Variants in PTPRT observed in about 807,000 individuals in gnomAD.
PTPRT encodes the protein receptor-type tyrosine-protein phosphatase T.
A neutral mutation model predicts 176.8 loss-of-function variants in PTPRT; 56 were observed. That is an observed-to-expected ratio of 0.32 (90% CI 0.26 to 0.40). The LOEUF is 0.40. Among genes scored for constraint, PTPRT ranks in the 10% least tolerant of loss-of-function variants. PTPRT has a pLI of 1.00. For synonymous variants in PTPRT, 783 were observed against 739.0 expected, an observed-to-expected ratio of 1.06 and a Z score of -0.96; for missense variants, 1,540 against 1,908.2, an observed-to-expected ratio of 0.81 and a Z score of 3.60.
chr20:42,301,641 A>G (rs940855894), intron 12 of PTPRT, among the ~76,000 whole-genome samples: 9 of 149,850 alleles, frequency 6.0e-5, no homozygotes, highest in East Asian at 5.8e-4. Flanking sequence ...TAGATAGACA[A>G]ACAGACAAAT....
intron 9 of PTPRT, among the ~76,000 whole-genome samples, chr20:42,441,228 G>A (rs191038320): frequency 2.0e-5 from 3 of 152,340 alleles, no homozygotes; most frequent in South Asian, 2.1e-4. Flanking sequence ...AAGTTGTTAA[G>A]AGAGGAAACA....
At chr20:42,466,493 A>G (rs1368863981) in intron 8 of PTPRT, among the ~76,000 whole-genome samples, 1 of 152,214 alleles carries the variant, frequency 6.6e-6, no homozygotes, top group Non-Finnish European at 1.5e-5. Context: ...GCCTAAGGAG[A>G]TAAAAACTGA....
intron 9 of PTPRT, among the ~76,000 whole-genome samples, chr20:42,427,915 C>G (rs570972535): frequency 5.9e-5 from 9 of 152,164 alleles, no homozygotes; most frequent in African/African-American, 1.7e-4. Context: ...CTCCTGCCCA[C>G]GAGAGAACAA....
chr20:42,121,697 T>TTA (rs3086717), intron 19 of PTPRT, among the ~76,000 whole-genome samples: 216 of 140,514 alleles, frequency 1.5e-3, no homozygotes, highest in Middle Eastern at 7.3e-3. Context: ...AAGAAATTTT[T>TTA]TATATATATA....
chr20:42,455,499 T>G (rs978139361), intron 8 of PTPRT, among the ~76,000 whole-genome samples: 2 of 152,204 alleles, frequency 1.3e-5, no homozygotes, highest in African/African-American at 4.8e-5. Context: ...CAAAAGAGTT[T>G]TTCTTACATA....
intron 7 of PTPRT, among the ~76,000 whole-genome samples, chr20:42,671,695 G>A (rs1038629682): frequency 2.6e-5 from 4 of 152,162 alleles, no homozygotes; most frequent in Admixed American, 2.6e-4. Flanking sequence ...ACTATAGGCA[G>A]CTAAAGAACA....
chr20:42,931,625 C>T (rs920805787), intron 1 of PTPRT, among the ~76,000 whole-genome samples: 5 of 152,200 alleles, frequency 3.3e-5, no homozygotes, highest in African/African-American at 1.2e-4. Context: ...AAGCACTGTG[C>T]AGGCTTCTAG....
rs544304989 is a variant in PTPRT, at chr20:42,265,682, C to A, written c.2176+16807G>T. Among the ~76,000 whole-genome samples, 16 of 152,246 alleles carry A rather than the reference C, an allele frequency of 1.1e-4. No homozygotes were observed. In the South Asian group the frequency reaches 3.3e-3, roughly 32 times the overall value. ...CTCCTGCCTCTGGTTCCTGTTCTCA[C>A]ACCATCTGTCAACCCCTTCCACTGG... On this transcript the variant is annotated intron_variant, in intron 13 of 30. Transcript: ENST00000373187.
intron 6 of PTPRT, among the ~76,000 whole-genome samples, chr20:42,729,273 G>T (rs1320993851): frequency 2.6e-5 from 4 of 152,114 alleles, no homozygotes; most frequent in Admixed American, 1.3e-4. Flanking sequence ...ACCCAGGGGG[G>T]TCGGTCTAGC....
At chr20:42,179,660 AT>A (rs113716184) in intron 16 of PTPRT, among the ~76,000 whole-genome samples, 3,085 of 152,312 alleles carry the variant, frequency 0.02, 102 homozygotes, top group African/African-American at 0.07. Context: ...CCCTCACCAC[AT>A]TTAGGGTCAG....
chr20:42,756,664 G>A (rs1433157724), intron 5 of PTPRT, 28 bp from the exon 6 acceptor site: 1 of 1,527,274 alleles, frequency 6.5e-7, no homozygotes, highest in Non-Finnish European at 8.9e-7. Context: ...AGAGGGAGAG[G>A]AGGAATCATA....
intron 1 of PTPRT, among the ~76,000 whole-genome samples, chr20:43,142,020 C>T (rs949287873): frequency 6.6e-6 from 1 of 152,184 alleles, no homozygotes; most frequent in African/African-American, 2.4e-5. Flanking sequence ...AGTCTAACCT[C>T]AACTCTCAAA....
At chr20:42,084,319 C>T (rs1245692860) in intron 29 of PTPRT, among the ~76,000 whole-genome samples, 1 of 152,324 alleles carries the variant, frequency 6.6e-6, no homozygotes, top group Middle Eastern at 3.4e-3. Flanking sequence ...AATAGTGTTC[C>T]TAGAGTCCTT....
chr20:42,704,037 A>AT (rs1024468886), intron 6 of PTPRT, among the ~76,000 whole-genome samples: 13 of 151,576 alleles, frequency 8.6e-5, no homozygotes, highest in Admixed American at 7.2e-4. Context: ...ATGACTTCAT[A>AT]TTTTTTTTTC....
chr20:42,176,516 G>C, intron 16 of PTPRT, among the ~76,000 whole-genome samples: 1 of 152,108 alleles, frequency 6.6e-6, no homozygotes. Flanking sequence ...TATGTGCACT[G>C]AAAACAACTG....
At chr20:42,869,203 T>C (rs1470557654) in intron 2 of PTPRT, among the ~76,000 whole-genome samples, 1 of 151,988 alleles carries the variant, frequency 6.6e-6, no homozygotes, top group Non-Finnish European at 1.5e-5. Context: ...AGAACCCCTA[T>C]TAGGGCAATG....
At chr20:42,739,884 T>C (rs2076583218) in intron 6 of PTPRT, among the ~76,000 whole-genome samples, 2 of 152,206 alleles carry the variant, frequency 1.3e-5, no homozygotes, top group African/African-American at 2.4e-5. Context: ...GCCCCACCTA[T>C]GCATGTCCTA....
chr20:42,178,635 T>C (rs1037654813), intron 16 of PTPRT, among the ~76,000 whole-genome samples: 2 of 152,188 alleles, frequency 1.3e-5, no homozygotes, highest in African/African-American at 2.4e-5. Flanking sequence ...AGAAATCTGG[T>C]TGCAGCCTAG....
chr20:42,120,645 C>T (rs950043495), intron 19 of PTPRT, among the ~76,000 whole-genome samples: 1 of 152,130 alleles, frequency 6.6e-6, no homozygotes, highest in Non-Finnish European at 1.5e-5. Context: ...TTGGGGAGTA[C>T]CCTGCTGCCC....
Sources: allele counts gnomAD v4.1 joint callset (sites outside exome capture counted in the v4.1 genomes callset), GRCh38; gene constraint gnomAD v4.1.1; transcripts MANE v1.5; gene names NCBI Gene and HGNC (gene_info 2026-07-23, HGNC 2026-07-21).